The following MMP16 variants were observed in gnomAD, a reference collection of about 807,000 sequenced individuals.
The protein encoded by MMP16 is matrix metallopeptidase 16, also known as matrix metalloproteinase-16.
In MMP16, 12 loss-of-function variants were observed where a neutral mutation model predicts 67.8. The ratio of observed to expected loss-of-function variants is 0.18; its 90% CI spans 0.11 to 0.29. MMP16 has a LOEUF of 0.29. Ranked by LOEUF, MMP16 falls within the 10% of genes least tolerant of loss-of-function variation. The pLI, the probability that MMP16 is intolerant of heterozygous loss-of-function variation, is 1.00. For synonymous variants in MMP16, 249 were observed against 255.9 expected, an observed-to-expected ratio of 0.97 and a Z score of 0.26; for missense variants, 475 against 765.7, an observed-to-expected ratio of 0.62 and a Z score of 4.48.
intron 1 of MMP16, among the ~76,000 whole-genome samples, chr8:88,256,930 A>C (rs895415556): frequency 2.6e-5 from 4 of 152,212 alleles, no homozygotes; most frequent in African/African-American, 9.6e-5. Context: ...AAAATGCATA[A>C]CTGTAGATTC....
At chr8:88,269,602 AC>A (rs1035256549) in intron 1 of MMP16, among the ~76,000 whole-genome samples, 7 of 152,298 alleles carry the variant, frequency 4.6e-5, no homozygotes, top group Middle Eastern at 3.4e-3. Context: ...TTGTTACTAT[AC>A]AACAGAAGAC....
intron 7 of MMP16, among the ~76,000 whole-genome samples, chr8:88,065,531 T>C (rs1186384743): frequency 6.6e-6 from 1 of 152,016 alleles, no homozygotes. Flanking sequence ...AATAGCACTA[T>C]TTGCTTGGTC....
chr8:88,278,516 T>G (rs2129988346), intron 1 of MMP16, among the ~76,000 whole-genome samples: 1 of 152,266 alleles, frequency 6.6e-6, no homozygotes, highest in East Asian at 1.9e-4. Flanking sequence ...TTAATTACCA[T>G]GGAAGACACA....
At chr8:88,261,792 C>CACACACACACACAA (rs1321855639) in intron 1 of MMP16, among the ~76,000 whole-genome samples, 1 of 151,520 alleles carries the variant, frequency 6.6e-6, no homozygotes. Flanking sequence ...CACACACACA[C>CACACACACACACAA]AACCATATAA....
intron 1 of MMP16, among the ~76,000 whole-genome samples, chr8:88,324,329 G>T (rs1168053721): frequency 6.6e-6 from 1 of 152,014 alleles, no homozygotes; most frequent in African/African-American, 2.4e-5. Flanking sequence ...TTAAAAATCA[G>T]ACAGGAAAGA....
chr8:88,120,928 T>C (rs192851362), intron 4 of MMP16, among the ~76,000 whole-genome samples: 1 of 152,128 alleles, frequency 6.6e-6, no homozygotes, highest in East Asian at 1.9e-4. Context: ...GACCCTGCTG[T>C]GTTCCTAAAC....
At chr8:88,134,676 T>C (rs1205917352) in intron 4 of MMP16, among the ~76,000 whole-genome samples, 1 of 151,660 alleles carries the variant, frequency 6.6e-6, no homozygotes, top group Non-Finnish European at 1.5e-5. Context: ...TTATCCTTTC[T>C]AGAGACAATG....
At chr8:88,122,272 T>C (rs1404191375) in intron 4 of MMP16, among the ~76,000 whole-genome samples, 1 of 152,026 alleles carries the variant, frequency 6.6e-6, no homozygotes, top group Non-Finnish European at 1.5e-5. Context: ...TTTTTCCTAA[T>C]ATATATCTTC....
intron 1 of MMP16, among the ~76,000 whole-genome samples, chr8:88,245,499 G>C (rs1810100473): frequency 6.6e-6 from 1 of 152,138 alleles, no homozygotes; most frequent in Admixed American, 6.5e-5. Context: ...ATTACCACTA[G>C]AACTGCCTCA....
intron 1 of MMP16, among the ~76,000 whole-genome samples, chr8:88,228,523 A>T (rs1030790709): frequency 6.6e-6 from 1 of 152,124 alleles, no homozygotes; most frequent in African/African-American, 2.4e-5. Context: ...TGACTGTCAA[A>T]GATAGGACTT....
chr8:88,232,317 T>A (rs1355463550), intron 1 of MMP16, among the ~76,000 whole-genome samples: 1 of 152,156 alleles, frequency 6.6e-6, no homozygotes, highest in African/African-American at 2.4e-5. Context: ...GTGGGAAAAC[T>A]GAAGCAATCT....
At chr8:88,183,440 C>A (rs1017947490) in intron 3 of MMP16, among the ~76,000 whole-genome samples, 1 of 152,122 alleles carries the variant, frequency 6.6e-6, no homozygotes. Flanking sequence ...TATTTCTAAA[C>A]AATCATCAGA....
chr8:88,196,867 G>T (rs1423662808), intron 2 of MMP16, among the ~76,000 whole-genome samples: 1 of 152,064 alleles, frequency 6.6e-6, no homozygotes, highest in Non-Finnish European at 1.5e-5. Flanking sequence ...TGTTGCTCAT[G>T]GTCACTCTTT....
At chr8:88,091,981 A>AT (rs1357260071) in intron 6 of MMP16, among the ~76,000 whole-genome samples, 2 of 151,732 alleles carry the variant, frequency 1.3e-5, no homozygotes. Flanking sequence ...CAATGTTATG[A>AT]TTTTTTTCTC....
At chr8:88,072,474 G>A (rs1410896226) in intron 7 of MMP16, among the ~76,000 whole-genome samples, 1 of 152,110 alleles carries the variant, frequency 6.6e-6, no homozygotes, top group Admixed American at 6.6e-5. Context: ...GGAGGAAAGA[G>A]TTGCCACAGC....
intron 6 of MMP16, among the ~76,000 whole-genome samples, chr8:88,107,800 C>CA (rs1359479916): frequency 1.3e-5 from 2 of 150,664 alleles, no homozygotes; most frequent in South Asian, 2.1e-4. Context: ...CTGCATTTAA[C>CA]AAAAAACATA....
At chr8:88,202,308 C>T (rs1039085737) in intron 1 of MMP16, among the ~76,000 whole-genome samples, 4 of 152,076 alleles carry the variant, frequency 2.6e-5, no homozygotes, top group Admixed American at 2.0e-4. Context: ...TTGTGATGAC[C>T]GTGATGATCA....
chr8:88,273,829 G>A (rs1168948438), intron 1 of MMP16, among the ~76,000 whole-genome samples: 4 of 152,010 alleles, frequency 2.6e-5, no homozygotes, highest in Non-Finnish European at 5.9e-5. Flanking sequence ...CCTGAGTATA[G>A]ACAAGAAAAA....
intron 7 of MMP16, among the ~76,000 whole-genome samples, chr8:88,071,360 T>G (rs142415095): frequency 1.6e-3 from 236 of 152,222 alleles, no homozygotes; most frequent in Non-Finnish European, 2.1e-3. Context: ...AATTAATACC[T>G]AAGTACCTTT....
Sources: gnomAD v4.1 joint callset for allele counts (sites outside exome capture counted in the v4.1 genomes callset) on GRCh38, gnomAD v4.1.1 for gene constraint, MANE v1.5 for transcripts, NCBI Gene and HGNC (gene_info 2026-07-23, HGNC 2026-07-21) for gene names.